Variants in OGDH observed in about 807,000 individuals in gnomAD.
The protein encoded by OGDH is oxoglutarate dehydrogenase.
OGDH carries 38 observed loss-of-function variants against 116.6 expected under a neutral mutation model. The ratio of observed to expected loss-of-function variants is 0.33; its 90% CI spans 0.25 to 0.43. The LOEUF (loss-of-function observed/expected upper bound fraction) is 0.43. Among genes scored for constraint, OGDH ranks in the 20% least tolerant of loss-of-function variants. OGDH has a pLI of 1.00. For missense variants in OGDH, 825 were observed against 1,357.2 expected (o/e 0.61, Z 6.16); for synonymous variants, 488 against 533.3 (o/e 0.92, Z 1.17).
intron 5 of OGDH, among the ~76,000 whole-genome samples, chr7:44,671,018 A>G (rs888102970): frequency 6.7e-6 from 1 of 150,026 alleles, no homozygotes; most frequent in African/African-American, 2.5e-5. Flanking sequence ...CTCAAAAAAA[A>G]AAAAAAAAAA....
intron 2 of OGDH, among the ~76,000 whole-genome samples, chr7:44,633,708 T>C (rs1417867273): frequency 6.6e-6 from 1 of 152,124 alleles, no homozygotes; most frequent in East Asian, 1.9e-4. Context: ...AGCAGATGCT[T>C]TGTGTAGCTG....
chr7:44,644,689 C>T (rs1209280738), intron 2 of OGDH, among the ~76,000 whole-genome samples: 1 of 152,232 alleles, frequency 6.6e-6, no homozygotes, highest in Non-Finnish European at 1.5e-5. Flanking sequence ...TCCTGAGTTT[C>T]TCCTGAGGTA....
chr7:44,685,544 C>G (rs993186172), intron 10 of OGDH, among the ~76,000 whole-genome samples: 1 of 152,086 alleles, frequency 6.6e-6, no homozygotes, highest in African/African-American at 2.4e-5. Context: ...GTTACTTCCA[C>G]ATTTTCCTGT....
At chr7:44,609,168 C>T (rs1303753741) in intron 1 of OGDH, among the ~76,000 whole-genome samples, 1 of 151,942 alleles carries the variant, frequency 6.6e-6, no homozygotes, top group Non-Finnish European at 1.5e-5. Context: ...TTCCAGTCAG[C>T]TTAATTCCCT....
chr7:44,650,976 A>G (rs1786415490), intron 4 of OGDH, among the ~76,000 whole-genome samples: 1 of 152,218 alleles, frequency 6.6e-6, no homozygotes, highest in Non-Finnish European at 1.5e-5. Context: ...TTGGGGAAAC[A>G]GGCTCACAGC....
At chr7:44,616,843 ACGTG>A (rs1784817428) in intron 1 of OGDH, among the ~76,000 whole-genome samples, 1 of 130,778 alleles carries the variant, frequency 7.6e-6, no homozygotes, top group African/African-American at 2.8e-5. Context: ...ATACACATAT[ACGTG>A]TATATATATA....
rs145620313 is a variant in OGDH, at chr7:44,614,820, C to T, written c.-28+8167C>T. Among the ~76,000 whole-genome samples, 65 of 149,034 alleles carry T rather than the reference C, an allele frequency of 4.4e-4. 1 individual carries two copies. The highest frequency in any genetic ancestry group is 1.5e-3 in the African/African-American group (61 of 40,750). The stretch of plus-strand genomic sequence containing the variant: ...TGTCTTTTTTTGTTTGAAATTATCC[C>T]GGTTCTTTTGGTTCTTTTTTTTTTT... On this transcript the variant is annotated intron_variant, in intron 1 of 22. Transcript: ENST00000222673.
chr7:44,618,953 A>G (rs1474611736), intron 1 of OGDH, among the ~76,000 whole-genome samples: 1 of 152,212 alleles, frequency 6.6e-6, no homozygotes, highest in African/African-American at 2.4e-5. Flanking sequence ...GTATTAGATC[A>G]TACCCTTTTT....
At chr7:44,617,113 A>G (rs1368649653) in intron 1 of OGDH, among the ~76,000 whole-genome samples, 5 of 151,220 alleles carry the variant, frequency 3.3e-5, no homozygotes, top group Admixed American at 2.0e-4. Flanking sequence ...TTGTAGTTTT[A>G]GTAGAGGCGG....
intron 2 of OGDH, among the ~76,000 whole-genome samples, chr7:44,636,609 G>T (rs1365945604): frequency 6.6e-6 from 1 of 152,234 alleles, no homozygotes; most frequent in Non-Finnish European, 1.5e-5. Context: ...GCCACATGCA[G>T]AGAGCACTGA....
At position 44,694,038 on chromosome 7, in the gene OGDH, G is replaced by A; in HGVS notation, c.1515+34G>A. 6.3e-7 allele frequency: 1 copy of A among 1,584,854 alleles called. No homozygotes were observed. The highest frequency in any genetic ancestry group is 8.6e-7 in the Non-Finnish European group (1 of 1,160,206). Reference sequence around the variant, plus strand: ...CTCTGGGGACAGCACGTCCTGGGCAGAGCATCTGACCCACCCCTCTTGCCC... The same window carrying A: ...CTCTGGGGACAGCACGTCCTGGGCAAAGCATCTGACCCACCCCTCTTGCCC... On this transcript the variant is annotated intron_variant, in intron 11 of 22. Coordinates refer to ENST00000222673, the MANE Select transcript of OGDH (RefSeq NM_002541.4). The surrounding 1 kb of genome is among the most constrained non-coding windows in gnomAD (Gnocchi z 4.2).
intron 1 of OGDH, among the ~76,000 whole-genome samples, chr7:44,616,341 C>T (rs745575724): frequency 2.0e-5 from 3 of 152,056 alleles, no homozygotes; most frequent in Non-Finnish European, 4.4e-5. Flanking sequence ...TGTGGGGCCA[C>T]GTCTCAGGGA....
At chr7:44,666,656 C>T in intron 4 of OGDH, 80 bp from the exon 5 acceptor site, 1 of 647,824 alleles carries the variant, frequency 1.5e-6, no homozygotes, top group Non-Finnish European at 2.5e-6. Context: ...AGTTCCTTCC[C>T]CTTTCCATAA....
chr7:44,698,434 C>T (rs1788683843), intron 18 of OGDH, among the ~76,000 whole-genome samples, 171 bp downstream of exon 18: 1 of 152,010 alleles, frequency 6.6e-6, no homozygotes, highest in Admixed American at 6.6e-5. Context: ...TTCTGGGCGC[C>T]CTGGGATGAG....
chr7:44,634,883 C>G (rs1215218879), intron 2 of OGDH, among the ~76,000 whole-genome samples: 1 of 152,238 alleles, frequency 6.6e-6, no homozygotes, highest in Non-Finnish European at 1.5e-5. Context: ...GAATCATTTG[C>G]TGAAGGCTCT....
At position 44,707,830 on chromosome 7, in the gene OGDH, G is replaced by T; in HGVS notation, c.2952-49G>T. On this transcript the variant is annotated intron_variant, in intron 22 of 22. Coordinates refer to ENST00000222673, the MANE Select transcript of OGDH (RefSeq NM_002541.4). The surrounding 1 kb of genome is among the most constrained non-coding windows in gnomAD (Gnocchi z 5.2). Reference sequence around the variant, plus strand: ...CACATGCAGCAGAGGGATGGGCTGGGCCAACTCAGTGTCCCCTGCCCTCAC... The same window carrying T: ...CACATGCAGCAGAGGGATGGGCTGGTCCAACTCAGTGTCCCCTGCCCTCAC... The T allele has an allele frequency of 6.2e-7, 1 of 1,608,262 alleles. No homozygotes were observed. The highest frequency in any genetic ancestry group is 8.5e-7 in the Non-Finnish European group (1 of 1,176,992).
chr7:44,627,386 G>A (rs1047656164), intron 2 of OGDH, among the ~76,000 whole-genome samples: 1 of 152,256 alleles, frequency 6.6e-6, no homozygotes, highest in Non-Finnish European at 1.5e-5. Flanking sequence ...CATAGCCTTA[G>A]AGGCATTTCA....
At chr7:44,699,425 CAAAAA>C (rs59695480) in intron 18 of OGDH, among the ~76,000 whole-genome samples, 5 of 67,722 alleles carry the variant, frequency 7.4e-5, no homozygotes, top group African/African-American at 1.3e-4. Flanking sequence ...ACTCCTGTCT[CAAAAA>C]AAAAAAAAAA....
chr7:44,627,293 C>A (rs1481434375), intron 2 of OGDH, among the ~76,000 whole-genome samples: 1 of 152,252 alleles, frequency 6.6e-6, no homozygotes, highest in Non-Finnish European at 1.5e-5. Context: ...CGGCGCCTGG[C>A]CATGTGCATG....
Sources: gnomAD v4.1 joint callset for allele counts (sites outside exome capture counted in the v4.1 genomes callset) on GRCh38, gnomAD v4.1.1 for gene constraint, Gnocchi (gnomAD v3.1) non-coding constraint, MANE v1.5 for transcripts, NCBI Gene and HGNC (gene_info 2026-07-23, HGNC 2026-07-21) for gene names.